Variants in C8A observed in about 807,000 individuals in gnomAD.
C8A encodes complement component C8 alpha chain.
A neutral mutation model predicts 65.3 loss-of-function variants in C8A; 67 were observed. The ratio of observed to expected loss-of-function variants is 1.03; its 90% CI spans 0.84 to 1.26. The LOEUF is 1.26. Ranked by LOEUF, C8A falls within the 50% of genes most tolerant of loss-of-function variation. The probability of loss-of-function intolerance (pLI) is 0.00; values close to 1 mark genes in which losing one functional copy is unlikely to be tolerated. For synonymous variants in C8A, 290 were observed against 259.4 expected (o/e 1.12, Z -1.13); for missense variants, 781 against 723.9 (o/e 1.08, Z -0.90).
At chr1:56,862,762 T>C (rs1172996309) in intron 1 of C8A, among the ~76,000 whole-genome samples, 3 of 152,166 alleles carry the variant, frequency 2.0e-5, no homozygotes, top group African/African-American at 7.2e-5. Flanking sequence ...GTCTTACTGA[T>C]TGAGTAGATT....
In C8A at chr1:56,863,512, C is replaced by T. The variant is rs1644054315; in HGVS notation, c.78-4097C>T. On this transcript the variant is annotated intron_variant, in intron 1 of 10. Transcript: ENST00000361249. ...TTTCCCTCTGGTTTGACACATAATG[C>T]AGTCTCTATGGGCTTACAATGACAT... Among the ~76,000 whole-genome samples the T allele has an allele frequency of 1.3e-5, 2 of 152,174 alleles. 1 individual carries two copies. The highest frequency in any genetic ancestry group is 4.1e-4 in the South Asian group (2 of 4,830).
At chr1:56,916,816 A>G (rs900691268) in intron 10 of C8A, among the ~76,000 whole-genome samples, 7 of 152,220 alleles carry the variant, frequency 4.6e-5, no homozygotes, top group African/African-American at 1.7e-4. Context: ...AGGCTAGGTA[A>G]TTCTCTGAGC....
intron 1 of C8A, among the ~76,000 whole-genome samples, chr1:56,860,949 G>A (rs529482144): frequency 6.6e-6 from 1 of 152,298 alleles, no homozygotes; most frequent in East Asian, 1.9e-4. Context: ...GAAGAAAAAA[G>A]TGGTTCACAG....
At chr1:56,910,981 C>T (rs1473874059) in intron 9 of C8A, among the ~76,000 whole-genome samples, 2 of 149,374 alleles carry the variant, frequency 1.3e-5, no homozygotes, top group Non-Finnish European at 2.9e-5. Context: ...TGGAGAAGTG[C>T]CTTCCTTTTA....
chr1:56,855,394 T>A (rs1436085930), intron 1 of C8A, among the ~76,000 whole-genome samples: 3 of 152,172 alleles, frequency 2.0e-5, no homozygotes, highest in Admixed American at 6.5e-5. Flanking sequence ...TAACCCCTAC[T>A]TTCTTATCTG....
Position 56,881,485 on chromosome 1 carries a change from G to C in C8A, c.505G>C (p.Asp169His). ...LTQEDAQSVYDASYYGGQCET... is the reference protein window; with the variant it reads ...LTQEDAQSVYHASYYGGQCET... ...CCAGGAAGATGCTCAGAGTGTGTAC[G>C]ATGCCAGTTATTATGGGGGCCAGTG... The change falls in exon 5 of 11, where the codon GAT (aspartate) becomes CAT (histidine). Residue 169 changes from aspartate to histidine, a missense_variant. Physicochemically the swap from Asp to His is moderately conservative, Grantham distance 81. Coordinates refer to ENST00000361249, the MANE Select transcript of C8A (RefSeq NM_000562.3). 1 of 1,613,744 alleles carries C rather than the reference G, an allele frequency of 6.2e-7. No individual in the cohort carries two copies. Among genetic ancestry groups the C allele is most frequent in the Non-Finnish European group, 8.5e-7 (1 of 1,179,738 alleles).
chr1:56,917,446 G>T, intron 10 of C8A, 119 bp from the exon 11 acceptor site: 1 of 967,196 alleles, frequency 1.0e-6, no homozygotes, highest in Non-Finnish European at 1.7e-6. Context: ...TCGACCAGAG[G>T]AGGGGAGGCC....
chr1:56,881,638 A>G lies in C8A; in HGVS notation c.654+4A>G. 6.2e-7 allele frequency: 1 copy of G among 1,612,448 alleles called. No individual in the cohort carries two copies. The highest frequency in any genetic ancestry group is 8.5e-7 in the Non-Finnish European group (1 of 1,179,498). Reference sequence around the variant, plus strand: ...CTTTCTGAAGTACCACTTTGAAGTAAGTCTGAACAGAGGGGCTCTGAGGCC... The same window carrying G: ...CTTTCTGAAGTACCACTTTGAAGTAGGTCTGAACAGAGGGGCTCTGAGGCC... On this transcript the variant is annotated splice_donor_region_variant and intron_variant, in intron 5 of 10. Transcript: ENST00000361249.
chr1:56,882,718 G>A (rs987085311), intron 5 of C8A, among the ~76,000 whole-genome samples: 1 of 152,154 alleles, frequency 6.6e-6, no homozygotes, highest in Non-Finnish European at 1.5e-5. Context: ...ACAACACCAT[G>A]TTCCTAATCT....
intron 7 of C8A, among the ~76,000 whole-genome samples, chr1:56,897,395 C>A (rs1274160862): frequency 6.6e-6 from 1 of 152,142 alleles, no homozygotes; most frequent in Non-Finnish European, 1.5e-5. Context: ...GTGTCTAAGC[C>A]AGGGATGGCA....
intron 10 of C8A, among the ~76,000 whole-genome samples, chr1:56,913,356 A>G (rs1228468123): frequency 6.6e-6 from 1 of 152,272 alleles, no homozygotes; most frequent in African/African-American, 2.4e-5. Flanking sequence ...AGTTGTCATT[A>G]TAGTGTAAGA....
chr1:56,890,724 T>C (rs74075641), intron 7 of C8A, among the ~76,000 whole-genome samples: 7 of 152,108 alleles, frequency 4.6e-5, no homozygotes, highest in Non-Finnish European at 1.0e-4. Flanking sequence ...GTCTTTGTAT[T>C]AGCCGTCTTC....
At chr1:56,871,598 T>C (rs570363791) in intron 2 of C8A, among the ~76,000 whole-genome samples, 1 of 152,326 alleles carries the variant, frequency 6.6e-6, no homozygotes, top group South Asian at 2.1e-4. Flanking sequence ...CAGTGATGCA[T>C]ATACAGTAGG....
At chr1:56,891,085 C>G (rs1644341258) in intron 7 of C8A, among the ~76,000 whole-genome samples, 1 of 151,996 alleles carries the variant, frequency 6.6e-6, no homozygotes, top group South Asian at 2.1e-4. Flanking sequence ...GTTGTAAAAA[C>G]AGAGAGTAAC....
At chr1:56,894,040 T>G (rs1450128177) in intron 7 of C8A, among the ~76,000 whole-genome samples, 1 of 152,152 alleles carries the variant, frequency 6.6e-6, no homozygotes, top group Non-Finnish European at 1.5e-5. Flanking sequence ...TGTTACCTAT[T>G]ATTGCTGTAC....
At chr1:56,858,156 A>G (rs1001214325) in intron 1 of C8A, among the ~76,000 whole-genome samples, 7 of 152,116 alleles carry the variant, frequency 4.6e-5, no homozygotes, top group African/African-American at 1.2e-4. Context: ...CATATTTACA[A>G]TAACACTTTT....
chr1:56,894,941 T>A (rs1644376817), intron 7 of C8A, among the ~76,000 whole-genome samples: 1 of 152,150 alleles, frequency 6.6e-6, no homozygotes, highest in Non-Finnish European at 1.5e-5. Flanking sequence ...ACTATTTTGT[T>A]TTAATACAAT....
chr1:56,883,486 G>A lies in C8A; in HGVS notation c.660G>A (p.Leu220=). 1 of 1,611,358 alleles carries A rather than the reference G, an allele frequency of 6.2e-7. No homozygotes were observed. Among genetic ancestry groups the A allele is most frequent in the Non-Finnish European group, 8.5e-7 (1 of 1,178,502 alleles). The part of the protein sequence containing the change: ...YNFLKYHFEA[L]ADTGISSEFY... Reference sequence around the variant, plus strand: ...TCTATCCTTTTTTTTTTCAGGCCCTGGCAGATACTGGAATCTCCTCAGAGT... The same window carrying A: ...TCTATCCTTTTTTTTTTCAGGCCCTAGCAGATACTGGAATCTCCTCAGAGT... The change falls in exon 6 of 11, where the codon CTG becomes CTA. Residue 220 remains leucine (L), a synonymous_variant. Transcript: ENST00000361249.
Position 56,874,933 on chromosome 1 carries a change from T to G in C8A, c.172-16T>G, listed in dbSNP as rs2101216608. 2 of 1,613,344 alleles carry G rather than the reference T, an allele frequency of 1.2e-6. No homozygotes were observed. The highest frequency in any genetic ancestry group is 1.7e-6 in the Non-Finnish European group (2 of 1,179,634). ...ATTGGTTGACAAGAATGTGTCTTGT[T>G]CAAAATCTGGTTTAGTACCGACACC... On this transcript the variant is annotated splice_polypyrimidine_tract_variant and intron_variant, in intron 2 of 10. Coordinates refer to ENST00000361249, the MANE Select transcript of C8A (RefSeq NM_000562.3).
Sources: gnomAD v4.1 joint callset for allele counts (sites outside exome capture counted in the v4.1 genomes callset) on GRCh38, gnomAD v4.1.1 for gene constraint, MANE v1.5 for transcripts, NCBI Gene and HGNC (gene_info 2026-07-23, HGNC 2026-07-21) for gene names.